The following DOCK5 variants were observed in gnomAD, a reference collection of about 807,000 sequenced individuals.
The protein encoded by DOCK5 is dedicator of cytokinesis 5.
A neutral mutation model predicts 251.8 loss-of-function variants in DOCK5; 142 were observed. That is an observed-to-expected ratio of 0.56 (90% CI 0.49 to 0.65). The LOEUF (loss-of-function observed/expected upper bound fraction) is 0.65, where lower values mean the gene tolerates loss of function less well. DOCK5 is among the 30% of genes least tolerant of loss of function. The probability of loss-of-function intolerance (pLI) is 0.00; values close to 1 mark genes in which losing one functional copy is unlikely to be tolerated. For synonymous variants in DOCK5, 842 were observed against 835.5 expected, an observed-to-expected ratio of 1.01 and a Z score of -0.13; for missense variants, 2,111 against 2,312.3, an observed-to-expected ratio of 0.91 and a Z score of 1.79.
In DOCK5 at chr8:25,408,067, G is replaced by A; in HGVS notation, c.5178G>A (p.Glu1726=). 6.2e-7 allele frequency: 1 copy of A among 1,608,474 alleles called. No individual in the cohort carries two copies. The highest frequency in any genetic ancestry group is 8.5e-7 in the Non-Finnish European group (1 of 1,177,392). Residue 1726 remains glutamate, a synonymous_variant, in exon 49 of 52, where the codon GAG becomes GAA. Transcript: ENST00000276440. ...EDLSLREENS[E]NRISKFKRKD... is the part of the protein sequence containing the mutation. ...TGTCCCTTAGAGAGGAGAACAGCGA[G>A]AACCGGATCAGCAAGTTTAAGAGAA...
chr8:25,227,752 G>T (rs1312331128), intron 1 of DOCK5, among the ~76,000 whole-genome samples: 1 of 152,120 alleles, frequency 6.6e-6, no homozygotes, highest in African/African-American at 2.4e-5. Context: ...TGTGTTTTAT[G>T]AATAAAGATA....
intron 18 of DOCK5, among the ~76,000 whole-genome samples, chr8:25,329,234 A>G (rs1286158203): frequency 6.6e-6 from 1 of 151,982 alleles, no homozygotes; most frequent in Non-Finnish European, 1.5e-5. Context: ...CTTAAGGTAT[A>G]TTGTTTCATT....
chr8:25,243,764 C>T lies in DOCK5; in HGVS notation c.127+7C>T, dbSNP rs1803022456. The T allele has an allele frequency of 8.1e-6, 13 of 1,613,200 alleles. No individual in the cohort carries two copies. Among genetic ancestry groups the T allele is most frequent in the Non-Finnish European group, 1.1e-5 (13 of 1,179,472 alleles). ...ATCCTGGAGATGTACGAGGGTAAGT[C>T]TGGCTGGCCTTCTGCCAGATGAGGG... is the stretch of plus-strand genomic sequence containing the variant. On this transcript the variant is annotated splice_region_variant and intron_variant, in intron 2 of 51. Coordinates refer to ENST00000276440, the MANE Select transcript of DOCK5 (RefSeq NM_024940.8).
chr8:25,410,063 C>T (rs1263822555), intron 50 of DOCK5, 36 bp from the exon 51 acceptor site: 4 of 1,562,074 alleles, frequency 2.6e-6, no homozygotes, highest in Non-Finnish European at 3.5e-6. Context: ...TTGCTCAGTG[C>T]CTCTCTCTGC....
intron 51 of DOCK5, among the ~76,000 whole-genome samples, chr8:25,410,424 G>A (rs73218198): frequency 0.011 from 1,699 of 151,898 alleles, 16 homozygotes; most frequent in Non-Finnish European, 0.019. Flanking sequence ...TCTGTACCTC[G>A]TCCTGGGTAC....
chr8:25,265,037 A>C (rs186010318), intron 2 of DOCK5, among the ~76,000 whole-genome samples: 93 of 151,982 alleles, frequency 6.1e-4, no homozygotes, highest in African/African-American at 2.2e-3. Context: ...ACACATTGGC[A>C]TCACCATCTC....
intron 21 of DOCK5, among the ~76,000 whole-genome samples, chr8:25,335,505 A>T (rs888744020): frequency 6.6e-6 from 1 of 151,106 alleles, no homozygotes; most frequent in African/African-American, 2.4e-5. Context: ...TAATAATAAT[A>T]ATAATTATAA....
chr8:25,316,996 T>A lies in DOCK5; in HGVS notation c.1319-11T>A. On this transcript the variant is annotated splice_polypyrimidine_tract_variant and intron_variant, in intron 13 of 51. Transcript: ENST00000276440. The stretch of plus-strand genomic sequence containing the variant: ...CTCAGCAACACTCACAGCATGCTTA[T>A]CATGTTGCAGGAGATGTTCGGAATG... 6.2e-7 allele frequency: 1 copy of A among 1,613,676 alleles called. No individual in the cohort carries two copies. Among genetic ancestry groups the A allele is most frequent in the Non-Finnish European group, 8.5e-7 (1 of 1,179,674 alleles).
intron 22 of DOCK5, among the ~76,000 whole-genome samples, chr8:25,337,601 T>TTTTG (rs1805848107): frequency 6.6e-6 from 1 of 151,140 alleles, no homozygotes; most frequent in Admixed American, 6.6e-5. Flanking sequence ...TTTTTTTTTT[T>TTTTG]TTGAGATGGA....
Position 25,389,142 on chromosome 8 carries a change from A to G in DOCK5, c.4183A>G (p.Ser1395Gly). The part of the protein sequence containing the change: ...GKEYERREDF[S>G]LRLLTQFPNA... The stretch of plus-strand genomic sequence containing the variant: ...GGAGTATGAGAGGCGAGAGGACTTC[A>G]GCCTGAGGTTGTTAACCCAGTTCCC... Residue 1395 changes from serine to glycine, a missense_variant, in exon 41 of 52, where the codon AGC (serine) becomes GGC (glycine). Physicochemically the swap from Ser to Gly is moderately conservative, Grantham distance 56. Coordinates refer to ENST00000276440, the MANE Select transcript of DOCK5 (RefSeq NM_024940.8). The G allele has an allele frequency of 3.7e-6, 6 of 1,614,022 alleles. No individual in the cohort carries two copies. Among genetic ancestry groups the G allele is most frequent in the Non-Finnish European group, 5.1e-6 (6 of 1,179,882 alleles).
At position 25,411,240 on chromosome 8, in the gene DOCK5, C is replaced by G; in HGVS notation, c.5555C>G (p.Pro1852Arg). The G allele has an allele frequency of 6.3e-7, 1 of 1,592,160 alleles. No homozygotes were observed. ...CGAAGAGAAGCCAAAGCACCACCCCCTCCACCTCCAAAGGCTCGGAAGTCT... is the reference window on the plus strand; with the variant it reads ...CGAAGAGAAGCCAAAGCACCACCCCGTCCACCTCCAAAGGCTCGGAAGTCT... ...PVRREAKAPP[P>R]PPPKARKSGI... The change falls in exon 52 of 52, where the codon CCT becomes CGT. Residue 1852 changes from proline (P) to arginine (R), a missense_variant. Pro to Arg is a moderately radical substitution (Grantham distance 103). Transcript: ENST00000276440.
intron 2 of DOCK5, among the ~76,000 whole-genome samples, chr8:25,264,831 CAAAA>C (rs1391262374): frequency 7.0e-6 from 1 of 143,744 alleles, no homozygotes; most frequent in Non-Finnish European, 1.5e-5. Flanking sequence ...TCTCAAAAAA[CAAAA>C]AACAACAACA....
At chr8:25,324,297 G>T (rs1805502351) in intron 17 of DOCK5, among the ~76,000 whole-genome samples, 3 of 152,172 alleles carry the variant, frequency 2.0e-5, no homozygotes, top group Admixed American at 2.0e-4. Context: ...ACATGGACAG[G>T]TGCACTGTTG....
chr8:25,367,078 T>G, intron 31 of DOCK5, 108 bp downstream of exon 31: 1 of 958,968 alleles, frequency 1.0e-6, no homozygotes, highest in Non-Finnish European at 1.6e-6. Context: ...GCTACCCATG[T>G]TGTTAGTGAG....
chr8:25,185,241 G>C (rs1342499762), intron 1 of DOCK5, among the ~76,000 whole-genome samples: 1 of 152,076 alleles, frequency 6.6e-6, no homozygotes, highest in African/African-American at 2.4e-5. Flanking sequence ...ATGTCAACGC[G>C]AGGGGGGCGC....
At chr8:25,347,723 C>G (rs952470783) in intron 26 of DOCK5, among the ~76,000 whole-genome samples, 6 of 152,194 alleles carry the variant, frequency 3.9e-5, no homozygotes, top group Non-Finnish European at 7.3e-5. Flanking sequence ...GCATTGGATT[C>G]TAGTCCCAAT....
intron 40 of DOCK5, among the ~76,000 whole-genome samples, chr8:25,384,349 G>C (rs1801121330): frequency 6.6e-6 from 1 of 151,810 alleles, no homozygotes; most frequent in Non-Finnish European, 1.5e-5. Flanking sequence ...TTGTGGTCCT[G>C]GTTATGTTTG....
chr8:25,342,490 C>T lies in DOCK5; in HGVS notation c.2600C>T (p.Thr867Ile). The T allele has an allele frequency of 6.3e-7, 1 of 1,589,460 alleles. No individual in the cohort carries two copies. Among genetic ancestry groups the T allele is most frequent in the Non-Finnish European group, 8.6e-7 (1 of 1,165,946 alleles). ...TGCATGACCAAGATAGTAGAGAGCA[C>T]TCTTTTTCGACAGTCAGGTAAGTCT... is the stretch of plus-strand genomic sequence containing the variant. ...LNCMTKIVES[T>I]LFRQSECREV... is the part of the protein sequence containing the mutation. Residue 867 changes from threonine to isoleucine, a missense_variant, in exon 25 of 52, where the codon ACT (threonine) becomes ATT (isoleucine). Physicochemically the swap from Thr to Ile is moderately conservative, Grantham distance 89 (BLOSUM62 -1). This residue lies in a region of DOCK5 where 1,717 missense variants were observed against 1,892.4 expected (regional missense o/e 0.91). Transcript: ENST00000276440.
At chr8:25,284,501 C>T (rs1804281509) in intron 5 of DOCK5, among the ~76,000 whole-genome samples, 1 of 152,216 alleles carries the variant, frequency 6.6e-6, no homozygotes, top group Non-Finnish European at 1.5e-5. Context: ...GTCTAGCCTC[C>T]CTCCAGCCCC....
Sources: allele counts gnomAD v4.1 joint callset (sites outside exome capture counted in the v4.1 genomes callset), GRCh38; gene constraint gnomAD v4.1.1; regional missense constraint gnomAD v4.1.1; transcripts MANE v1.5; gene names NCBI Gene and HGNC (gene_info 2026-07-23, HGNC 2026-07-21).